Variants in NDUFA7 observed in about 807,000 individuals in gnomAD.
NDUFA7 encodes the protein NADH dehydrogenase [ubiquinone] 1 alpha subcomplex subunit 7.
A neutral mutation model predicts 14.2 loss-of-function variants in NDUFA7; 18 were observed. The ratio of observed to expected loss-of-function variants is 1.27; its 90% CI spans 0.88 to 1.88. The LOEUF (loss-of-function observed/expected upper bound fraction) is 1.88, where lower values mean the gene tolerates loss of function less well. Ranked by LOEUF, NDUFA7 falls within the 40% of genes most tolerant of loss-of-function variation. NDUFA7 has a pLI of 0.00. For missense variants in NDUFA7, 172 were observed against 147.3 expected, an observed-to-expected ratio of 1.17 and a Z score of -0.87; for synonymous variants, 75 against 62.1, an observed-to-expected ratio of 1.21 and a Z score of -0.98.
rs1970180231 is a variant in NDUFA7, at chr19:8,311,723, G to T, written c.252-128C>A. 1.6e-5 allele frequency: 11 copies of T among 708,038 alleles called. No homozygotes were observed. In the South Asian group the frequency reaches 1.9e-4, roughly 12 times the overall value. The allele number at this position is 708,038 out of a possible 1,614,324, so 43.9% of individuals were successfully genotyped here. A position where few individuals can be genotyped will look rare whatever the true frequency, so the allele number is the denominator to read the frequency against. On this transcript the variant is annotated intron_variant, in intron 3 of 3. Transcript: ENST00000301457. ...CTGGACCTGCAGGACAGACAGCAGG[G>T]TGTTCCAGAATGCCAACCCCTCCAA...
chr19:8,319,123 G>A (rs975136742), intron 2 of NDUFA7, among the ~76,000 whole-genome samples: 1 of 151,634 alleles, frequency 6.6e-6, no homozygotes, highest in Admixed American at 6.6e-5. Flanking sequence ...GGGGGTTGGG[G>A]GGGAGAGAGC....
At chr19:8,310,570 A>C (rs1970165994), downstream of NDUFA7, 1 of 152,176 alleles carries the variant, frequency 6.6e-6, no homozygotes, top group Non-Finnish European at 1.5e-5. Flanking sequence ...CAGAAGGATC[A>C]CCCACTCCCA....
chr19:8,311,425 A>G lies in NDUFA7; in HGVS notation c.*80T>C. 2 of 1,122,116 alleles carry G rather than the reference A, an allele frequency of 1.8e-6. No homozygotes were observed. The highest frequency in any genetic ancestry group is 2.9e-5 in the South Asian group (2 of 69,066). 69.5% of individuals were successfully genotyped at this position (1,122,116 alleles called of 1,614,324 possible). A position where few individuals can be genotyped will look rare whatever the true frequency, so the allele number is the denominator to read the frequency against. On this transcript the variant is annotated 3_prime_UTR_variant, in exon 4 of 4. Transcript: ENST00000301457. ...TAGAAGTGATACCTGAGCTCTACGTATTTGTCATAAATTAGGTCACATTCT... is the reference window on the plus strand; with the variant it reads ...TAGAAGTGATACCTGAGCTCTACGTGTTTGTCATAAATTAGGTCACATTCT...
Position 8,311,468 on chromosome 19 carries a change from G to A in NDUFA7, c.*37C>T. On this transcript the variant is annotated 3_prime_UTR_variant, in exon 4 of 4. Transcript: ENST00000301457. ...CACATTCTCCCTGGAGGAAATCCAA[G>A]GAGGCAAAGTAGTCGGGTGGCCGTG... is the stretch of plus-strand genomic sequence containing the variant. The A allele has an allele frequency of 6.6e-7, 1 of 1,522,852 alleles. No individual in the cohort carries two copies. The highest frequency in any genetic ancestry group is 1.2e-5 in the South Asian group (1 of 85,072). The allele number at this position is 1,522,852 out of a possible 1,614,324, so 94.3% of individuals were successfully genotyped here.
chr19:8,316,348 G>C (rs958232466), intron 3 of NDUFA7, 148 bp downstream of exon 3: 5 of 1,211,018 alleles, frequency 4.1e-6, no homozygotes, highest in Admixed American at 2.3e-5. Context: ...ATGAGCTCTC[G>C]GACAAAAAGC....
At chr19:8,316,144 G>A (rs1330057296) in intron 3 of NDUFA7, among the ~76,000 whole-genome samples, 8 of 84,952 alleles carry the variant, frequency 9.4e-5, no homozygotes, top group African/African-American at 1.9e-4. Flanking sequence ...GTGAGACTCC[G>A]TCTCAAAAAA....
chr19:8,315,135 A>C (rs1568562943), intron 3 of NDUFA7, among the ~76,000 whole-genome samples: 1 of 152,154 alleles, frequency 6.6e-6, no homozygotes, highest in Non-Finnish European at 1.5e-5. Flanking sequence ...AGGGACACAA[A>C]ACACCACAGA....
intron 3 of NDUFA7, among the ~76,000 whole-genome samples, chr19:8,313,630 AC>A (rs1295019764): frequency 6.6e-6 from 1 of 152,236 alleles, no homozygotes; most frequent in Non-Finnish European, 1.5e-5. Flanking sequence ...ATGTGAAGAA[AC>A]CAAGGCTCAA....
At chr19:8,321,199 C>A in intron 1 of NDUFA7, 109 bp downstream of exon 1, 2 of 1,318,974 alleles carry the variant, frequency 1.5e-6, no homozygotes, top group Non-Finnish European at 2.0e-6. Context: ...CAGGGAGATT[C>A]GGGGAGAGCG....
intron 3 of NDUFA7, among the ~76,000 whole-genome samples, chr19:8,315,435 C>T (rs1028253773): frequency 2.0e-5 from 3 of 152,078 alleles, no homozygotes; most frequent in African/African-American, 7.2e-5. Flanking sequence ...CGCCTTAGGC[C>T]TGAAGGTGGG....
In NDUFA7 at chr19:8,321,320, G is replaced by A; in HGVS notation, c.39C>T (p.Asn13=). 1 of 1,578,402 alleles carries A rather than the reference G, an allele frequency of 6.3e-7. No homozygotes were observed. Among genetic ancestry groups the A allele is most frequent in the East Asian group, 2.3e-5 (1 of 43,322 alleles). The change falls in exon 1 of 4, where the codon AAC becomes AAT. Residue 13 remains asparagine, a synonymous_variant. Coordinates refer to ENST00000301457, the MANE Select transcript of NDUFA7 (RefSeq NM_005001.5). ...CCGCCCCGCGCACCCCGGACGCCCA[G>A]TTCCGCAGCCGCTGGATGAGACGGG... is the stretch of plus-strand genomic sequence containing the variant. ...SATRLIQRLR[N]WASGHDLQGK... is the part of the protein sequence containing the mutation.
rs1599628388 is a variant in NDUFA7, at chr19:8,311,335, T to G, written c.*170A>C. 1.2e-5 allele frequency: 6 copies of G among 487,196 alleles called. No homozygotes were observed. Among genetic ancestry groups the G allele is most frequent in the South Asian group, 2.8e-5 (1 of 36,306 alleles). The allele number at this position is 487,196 out of a possible 1,614,324, so 30.2% of individuals were successfully genotyped here. On this transcript the variant is annotated 3_prime_UTR_variant, in exon 4 of 4. Transcript: ENST00000301457. ...CAGGAGGATCGCTTGAGGCCAGGAG[T>G]TCAAGATCAGCCTGGGAAACATGGT...
At chr19:8,314,985 C>A (rs1970216808) in intron 3 of NDUFA7, among the ~76,000 whole-genome samples, 1 of 152,320 alleles carries the variant, frequency 6.6e-6, no homozygotes, top group South Asian at 2.1e-4. Context: ...TTACCCCCAA[C>A]CCTGTGCTCC....
intron 3 of NDUFA7, among the ~76,000 whole-genome samples, chr19:8,315,742 C>T (rs1458216417): frequency 6.6e-6 from 1 of 152,160 alleles, no homozygotes; most frequent in Non-Finnish European, 1.5e-5. Flanking sequence ...GTCTGTGTCT[C>T]TTTCTTTTCC....
chr19:8,310,139 T>C (rs1240387330), downstream of NDUFA7, among the ~76,000 whole-genome samples: 1 of 152,076 alleles, frequency 6.6e-6, no homozygotes, highest in Admixed American at 6.6e-5. Flanking sequence ...CCTCAAGAGA[T>C]GGAAGTTAGG....
chr19:8,310,657 G>A (rs1970166663), downstream of NDUFA7: 2 of 152,338 alleles, frequency 1.3e-5, no homozygotes, highest in Admixed American at 1.3e-4. Flanking sequence ...CAGGGACAGT[G>A]TCTGTCCCAC....
At chr19:8,312,896 C>T (rs763360087) in intron 3 of NDUFA7, among the ~76,000 whole-genome samples, 2 of 152,138 alleles carry the variant, frequency 1.3e-5, no homozygotes, top group Non-Finnish European at 2.9e-5. Flanking sequence ...AACTTCTGGG[C>T]TCAAGCGATC....
At position 8,316,612 on chromosome 19, in the gene NDUFA7, A is replaced by T. The variant is rs1970237962; in HGVS notation, c.135T>A (p.Pro45=). The T allele has an allele frequency of 6.2e-7, 1 of 1,614,170 alleles. No individual in the cohort carries two copies. Residue 45 remains proline (P), a synonymous_variant, in exon 3 of 4, where the codon CCT becomes CCA. Coordinates refer to ENST00000301457, the MANE Select transcript of NDUFA7 (RefSeq NM_005001.5). ...TQPPPKLPVG[P]SHKLSNNYYC... ...AGTAATTGTTGGAGAGCTTGTGGCT[A>T]GGACCCACAGGGAGCTTGGGAGGAG... is the stretch of plus-strand genomic sequence containing the variant.
chr19:8,316,779 T>A (rs1599631772), intron 2 of NDUFA7, 134 bp from the exon 3 acceptor site: 5 of 1,078,480 alleles, frequency 4.6e-6, no homozygotes, highest in Non-Finnish European at 6.7e-6. Flanking sequence ...GCTGGGGGTG[T>A]CCCTTGGTAC....
Sources: gnomAD v4.1 joint callset for allele counts (sites outside exome capture counted in the v4.1 genomes callset) on GRCh38, gnomAD v4.1.1 for gene constraint, MANE v1.5 for transcripts, NCBI Gene and HGNC (gene_info 2026-07-23, HGNC 2026-07-21) for gene names.